Variants in NKAIN3 observed in about 807,000 individuals in gnomAD.
NKAIN3 encodes sodium/potassium transporting ATPase interacting 3, also known as sodium/potassium-transporting ATPase subunit beta-1-interacting protein 3.
NKAIN3 carries 25 observed loss-of-function variants against 30.2 expected under a neutral mutation model. The ratio of observed to expected loss-of-function variants is 0.83; its 90% CI spans 0.60 to 1.16. The LOEUF is 1.16. NKAIN3 is among the 50% of genes most tolerant of loss of function. NKAIN3 has a pLI of 0.00. For synonymous variants in NKAIN3, 91 were observed against 89.6 expected, an observed-to-expected ratio of 1.02 and a Z score of -0.09; for missense variants, 225 against 254.1, an observed-to-expected ratio of 0.89 and a Z score of 0.78.
intron 5 of NKAIN3, among the ~76,000 whole-genome samples, chr8:62,935,003 C>T (rs1415563694): frequency 6.6e-6 from 1 of 152,144 alleles, no homozygotes; most frequent in Non-Finnish European, 1.5e-5. Context: ...ATTCTGCCTC[C>T]ACGGAGTTTT....
intron 3 of NKAIN3, among the ~76,000 whole-genome samples, chr8:62,709,923 T>C (rs1192099087): frequency 6.6e-6 from 1 of 152,018 alleles, no homozygotes; most frequent in Admixed American, 6.6e-5. Flanking sequence ...GGTTGTGTCA[T>C]TGTTGTTGTT....
intron 4 of NKAIN3, among the ~76,000 whole-genome samples, chr8:62,905,718 A>C (rs1821754111): frequency 6.6e-6 from 1 of 152,062 alleles, no homozygotes; most frequent in Non-Finnish European, 1.5e-5. Context: ...GAGACCTTTA[A>C]CACAGCCAAT....
chr8:62,890,694 C>T (rs571971250), intron 4 of NKAIN3, among the ~76,000 whole-genome samples: 1 of 152,302 alleles, frequency 6.6e-6, no homozygotes, highest in East Asian at 1.9e-4. Context: ...CCTGCTTGCA[C>T]ACTCACCAGC....
At chr8:62,779,313 G>A (rs1817282885) in intron 4 of NKAIN3, among the ~76,000 whole-genome samples, 1 of 152,104 alleles carries the variant, frequency 6.6e-6, no homozygotes, top group Admixed American at 6.6e-5. Context: ...TGCTTAGCCT[G>A]CTTCTTGCAT....
chr8:62,470,834 T>TA (rs1351602571), intron 1 of NKAIN3, among the ~76,000 whole-genome samples: 2,232 of 148,126 alleles, frequency 0.015, 46 homozygotes, highest in African/African-American at 0.051. Context: ...TAAATGCAGT[T>TA]AAAAAAAAAA....
At chr8:62,269,647 C>T (rs1454219554) in intron 1 of NKAIN3, among the ~76,000 whole-genome samples, 2 of 152,142 alleles carry the variant, frequency 1.3e-5, no homozygotes, top group Non-Finnish European at 2.9e-5. Context: ...TATCACATTT[C>T]TGAAAATGTA....
At chr8:62,570,202 G>T (rs1433170952) in intron 1 of NKAIN3, among the ~76,000 whole-genome samples, 1 of 152,068 alleles carries the variant, frequency 6.6e-6, no homozygotes, top group Non-Finnish European at 1.5e-5. Context: ...TCTTCTTTGG[G>T]CAGATGCTTA....
At chr8:62,749,520 ATTTTATC>A (rs1816200257) in intron 4 of NKAIN3, among the ~76,000 whole-genome samples, 1 of 152,130 alleles carries the variant, frequency 6.6e-6, no homozygotes, top group Admixed American at 6.5e-5. Flanking sequence ...GATTTTTAAT[ATTTTATC>A]TTTTTATATT....
chr8:62,656,535 T>C (rs1176743584), intron 3 of NKAIN3, among the ~76,000 whole-genome samples: 1 of 152,078 alleles, frequency 6.6e-6, no homozygotes, highest in African/African-American at 2.4e-5. Context: ...GAGAATCTTA[T>C]TTGGAGTTCT....
chr8:62,577,295 G>A (rs950229061), intron 1 of NKAIN3, among the ~76,000 whole-genome samples: 1 of 151,696 alleles, frequency 6.6e-6, no homozygotes, highest in Non-Finnish European at 1.5e-5. Flanking sequence ...CTCATAAGTG[G>A]CATTAATTTG....
intron 1 of NKAIN3, among the ~76,000 whole-genome samples, chr8:62,480,610 A>C (rs1025222148): frequency 1.4e-4 from 21 of 152,162 alleles, no homozygotes; most frequent in African/African-American, 4.1e-4. Flanking sequence ...CCCGACCAAG[A>C]CATTTTCAAA....
At chr8:62,822,301 T>C (rs978974233) in intron 4 of NKAIN3, among the ~76,000 whole-genome samples, 2 of 152,170 alleles carry the variant, frequency 1.3e-5, no homozygotes, top group African/African-American at 4.8e-5. Flanking sequence ...AAAATTCTAT[T>C]GATAAAAATA....
chr8:62,308,303 T>C (rs991469183), intron 1 of NKAIN3, among the ~76,000 whole-genome samples: 3 of 150,454 alleles, frequency 2.0e-5, no homozygotes, highest in African/African-American at 7.5e-5. Context: ...ATTGGGTGCC[T>C]TCTGCTTTTG....
intron 4 of NKAIN3, among the ~76,000 whole-genome samples, chr8:62,833,084 A>G (rs1819247135): frequency 6.6e-6 from 1 of 152,130 alleles, no homozygotes; most frequent in Non-Finnish European, 1.5e-5. Context: ...CTTGCTCCCG[A>G]ATAACTTCTG....
chr8:62,864,813 G>A (rs180676671), intron 4 of NKAIN3, among the ~76,000 whole-genome samples: 9 of 152,262 alleles, frequency 5.9e-5, no homozygotes, highest in African/African-American at 2.2e-4. Context: ...TTGCTGACCT[G>A]GGAAATGCTT....
intron 4 of NKAIN3, among the ~76,000 whole-genome samples, chr8:62,907,600 G>A (rs147654003): frequency 7.9e-5 from 12 of 152,268 alleles, no homozygotes; most frequent in East Asian, 1.9e-4. Context: ...TGTACAGTCC[G>A]GAGACTTGGT....
At chr8:62,304,397 G>C (rs532863745) in intron 1 of NKAIN3, among the ~76,000 whole-genome samples, 1 of 150,524 alleles carries the variant, frequency 6.6e-6, no homozygotes, top group Admixed American at 6.6e-5. Context: ...GGACAAAGTA[G>C]TCATCTACAT....
intron 1 of NKAIN3, among the ~76,000 whole-genome samples, chr8:62,296,234 C>T (rs980706991): frequency 6.6e-6 from 1 of 152,234 alleles, no homozygotes; most frequent in Admixed American, 6.5e-5. Context: ...CTATTTCCTG[C>T]TGGGATATAG....
At chr8:62,364,828 C>CAAAAAAAAA (rs58784999) in intron 1 of NKAIN3, among the ~76,000 whole-genome samples, 10,392 of 63,560 alleles carry the variant, frequency 0.16, 2,740 homozygotes, top group Non-Finnish European at 0.17. Context: ...GACTCCACTA[C>CAAAAAAAAA]AAAAAAAAAA....
Sources: allele counts gnomAD v4.1 joint callset (sites outside exome capture counted in the v4.1 genomes callset), GRCh38; gene constraint gnomAD v4.1.1; transcripts MANE v1.5; gene names NCBI Gene and HGNC (gene_info 2026-07-23, HGNC 2026-07-21).